The following ZNF560 variants were observed in gnomAD, a reference collection of about 807,000 sequenced individuals.
ZNF560 encodes zinc finger protein 560.
ZNF560 carries 54 observed loss-of-function variants against 81.8 expected under a neutral mutation model. The ratio of observed to expected loss-of-function variants is 0.66; its 90% CI spans 0.53 to 0.83. ZNF560 has a LOEUF of 0.83. Among genes scored for constraint, ZNF560 ranks in the 40% least tolerant of loss-of-function variants. The pLI is 0.00. For missense variants in ZNF560, 940 were observed against 932.4 expected, an observed-to-expected ratio of 1.01 and a Z score of -0.11; for synonymous variants, 321 against 317.9, an observed-to-expected ratio of 1.01 and a Z score of -0.10.
Position 9,480,881 on chromosome 19 carries a change from T to C in ZNF560, c.-56-5512A>G, listed in dbSNP as rs374631300. Among the ~76,000 whole-genome samples the C allele has an allele frequency of 1.4e-3, 216 of 152,184 alleles. 11 individuals carry two copies. In the South Asian group the frequency reaches 0.044, roughly 31 times the overall value. On this transcript the variant is annotated intron_variant, in intron 2 of 9. Coordinates refer to ENST00000301480, the MANE Select transcript of ZNF560 (RefSeq NM_152476.3). ...TGGGAAGATTGCTTGAGCTCAGGAA[T>C]TCGAGACCAGCCTAGGCAACACAGT...
At position 9,466,939 on chromosome 19, in the gene ZNF560, C is replaced by G; in HGVS notation, c.2008G>C (p.Val670Leu). The G allele has an allele frequency of 1.9e-6, 3 of 1,614,082 alleles. No homozygotes were observed. The highest frequency in any genetic ancestry group is 2.5e-6 in the Non-Finnish European group (3 of 1,180,016). The change falls in exon 10 of 10, where the codon GTA becomes CTA. Residue 670 changes from valine to leucine, a missense_variant. Val to Leu is a conservative substitution (Grantham distance 32, BLOSUM62 1). Coordinates refer to ENST00000301480, the MANE Select transcript of ZNF560 (RefSeq NM_152476.3). ...ACEKAYSRSC[V>L]LTQHLKTHAA... is the part of the protein sequence containing the mutation. The stretch of plus-strand genomic sequence containing the variant: ...TGAGTTTTTAAGTGTTGAGTTAGTA[C>G]ACAAGACCTACTGTAAGCTTTTTCA...
intron 2 of ZNF560, among the ~76,000 whole-genome samples, chr19:9,476,777 T>A (rs1317577661): frequency 6.6e-6 from 1 of 152,208 alleles, no homozygotes; most frequent in Non-Finnish European, 1.5e-5. Flanking sequence ...CCTCTTTTCT[T>A]TATAATTATC....
At chr19:9,503,219 C>T (rs1287601999), upstream of ZNF560, among the ~76,000 whole-genome samples, 1 of 152,096 alleles carries the variant, frequency 6.6e-6, no homozygotes, top group Non-Finnish European at 1.5e-5. Context: ...CAGACCTTGT[C>T]TCAAATAATA....
chr19:9,470,576 G>A (rs2073106131), intron 6 of ZNF560, 58 bp from the exon 7 acceptor site: 1 of 1,613,334 alleles, frequency 6.2e-7, no homozygotes, highest in Non-Finnish European at 8.5e-7. Flanking sequence ...AATGTTGGCT[G>A]AAGAATGAGG....
At chr19:9,460,552 C>T in the ZNF560 span, among the ~76,000 whole-genome samples, 1 of 152,152 alleles carries the variant, frequency 6.6e-6, no homozygotes, top group South Asian at 2.1e-4. Flanking sequence ...CTCACCCACA[C>T]AGGGAAGGAA....
At chr19:9,479,813 C>G (rs775607808) in intron 2 of ZNF560, among the ~76,000 whole-genome samples, 3 of 151,140 alleles carry the variant, frequency 2.0e-5, no homozygotes, top group Non-Finnish European at 4.4e-5. Flanking sequence ...GATTTTCAAA[C>G]AAATACAACA....
chr19:9,468,520 C>T (rs1004779853), intron 9 of ZNF560, among the ~76,000 whole-genome samples, 186 bp from the exon 10 acceptor site: 20 of 152,194 alleles, frequency 1.3e-4, no homozygotes, highest in Non-Finnish European at 2.6e-4. Context: ...GTCATCTGCT[C>T]TAATCTTGGC....
the ZNF560 span, among the ~76,000 whole-genome samples, chr19:9,454,220 G>A: frequency 6.6e-6 from 1 of 152,192 alleles, no homozygotes; most frequent in Non-Finnish European, 1.5e-5. Flanking sequence ...CAGAAACGAT[G>A]TTTATCATGA....
At chr19:9,446,239 G>A in the ZNF560 span, among the ~76,000 whole-genome samples, 1 of 151,910 alleles carries the variant, frequency 6.6e-6, no homozygotes, top group Admixed American at 6.6e-5. Context: ...TCTCCCTGCT[G>A]CTATTTACTT....
At chr19:9,475,452 C>A in intron 2 of ZNF560, 83 bp from the exon 3 acceptor site, 1 of 731,708 alleles carries the variant, frequency 1.4e-6, no homozygotes, top group South Asian at 1.8e-5. Flanking sequence ...CAACCTGGTT[C>A]GAAATTCTCT....
the ZNF560 span, among the ~76,000 whole-genome samples, chr19:9,449,394 A>G: frequency 6.6e-6 from 1 of 152,218 alleles, no homozygotes; most frequent in African/African-American, 2.4e-5. Flanking sequence ...TTGCTTCTGA[A>G]TGACTTTTGG....
At chr19:9,463,143 G>A (rs1230987061), downstream of ZNF560, among the ~76,000 whole-genome samples, 1 of 152,160 alleles carries the variant, frequency 6.6e-6, no homozygotes, top group Non-Finnish European at 1.5e-5. Flanking sequence ...AATATGAAAT[G>A]TGGAAAACCC....
intron 2 of ZNF560, among the ~76,000 whole-genome samples, chr19:9,484,627 C>CAAAAA (rs60283585): frequency 5.0e-5 from 4 of 79,730 alleles, no homozygotes; most frequent in South Asian, 3.6e-4. Context: ...ACCGAAAATA[C>CAAAAA]AAAAAAAAAA....
chr19:9,495,591 C>A (rs534392544), intron 2 of ZNF560, among the ~76,000 whole-genome samples: 1 of 152,224 alleles, frequency 6.6e-6, no homozygotes, highest in African/African-American at 2.4e-5. Flanking sequence ...CCTGTAATCC[C>A]ATCTACTTGG....
In ZNF560 at chr19:9,479,884, A is replaced by T. The variant is rs542996406; in HGVS notation, c.-56-4515T>A. 6.6e-5 allele frequency among the ~76,000 whole-genome samples: 10 copies of T among 152,306 alleles called. No homozygotes were observed. In the South Asian group the frequency reaches 2.1e-3, roughly 32 times the overall value. On this transcript the variant is annotated intron_variant, in intron 2 of 9. Transcript: ENST00000301480. ...GGTATCCACAGGTGGGGGAGGGGTT[A>T]TAGGAAGGGGGGTTATCCTGAAACA...
the ZNF560 span, among the ~76,000 whole-genome samples, chr19:9,459,695 G>A: frequency 1.3e-5 from 2 of 152,188 alleles, no homozygotes; most frequent in Admixed American, 1.3e-4. Flanking sequence ...GGGGTAGACA[G>A]GTGAGGATGT....
At chr19:9,471,967 G>A (rs976582665) in intron 5 of ZNF560, among the ~76,000 whole-genome samples, 36 of 152,186 alleles carry the variant, frequency 2.4e-4, no homozygotes, top group African/African-American at 7.9e-4. Flanking sequence ...AAAATTAGCC[G>A]GGCATGTTGG....
chr19:9,476,624 C>T (rs759081401), intron 2 of ZNF560, among the ~76,000 whole-genome samples: 7 of 152,100 alleles, frequency 4.6e-5, no homozygotes, highest in South Asian at 2.1e-4. Flanking sequence ...GGCATTTCCC[C>T]GGCTTGCACC....
the ZNF560 span, among the ~76,000 whole-genome samples, chr19:9,451,778 A>T: frequency 2.0e-5 from 3 of 152,168 alleles, no homozygotes; most frequent in Non-Finnish European, 4.4e-5. Context: ...AAATCCCATT[A>T]AAAAATGGGC....
Sources: allele counts gnomAD v4.1 joint callset (sites outside exome capture counted in the v4.1 genomes callset), GRCh38; gene constraint gnomAD v4.1.1; transcripts MANE v1.5; gene names NCBI Gene and HGNC (gene_info 2026-07-23, HGNC 2026-07-21).